ANO5: variants seen among roughly 807,000 people sequenced by gnomAD.
ANO5 encodes the protein anoctamin 5.
A neutral mutation model predicts 121.0 loss-of-function variants in ANO5; 109 were observed. The observed-to-expected ratio is 0.90, with a 90% CI of 0.77 to 1.06. ANO5 has a LOEUF of 1.06. Among genes scored for constraint, ANO5 ranks in the 50% least tolerant of loss-of-function variants. ANO5 has a pLI of 0.00. For missense variants in ANO5, 1,064 were observed against 1,078.5 expected, an observed-to-expected ratio of 0.99 and a Z score of 0.19; for synonymous variants, 406 against 359.9, an observed-to-expected ratio of 1.13 and a Z score of -1.45.
At chr11:22,243,258 A>G (rs1213223136) in intron 9 of ANO5, among the ~76,000 whole-genome samples, 1 of 152,088 alleles carries the variant, frequency 6.6e-6, no homozygotes, top group East Asian at 1.9e-4. Context: ...CATCTCAGGA[A>G]TAATGCCAGT....
At position 22,259,538 on chromosome 11, in the gene ANO5, G is replaced by C. The variant is rs763178777; in HGVS notation, c.1427G>C (p.Ser476Thr). The change falls in exon 15 of 22, where the codon AGT becomes ACT. Residue 476 changes from serine to threonine, a missense_variant. Coordinates refer to ENST00000324559, the MANE Select transcript of ANO5 (RefSeq NM_213599.3). Reference protein sequence around the residue: ...VTLWMSLVVTSMVAVIVYRLS... With the variant: ...VTLWMSLVVTTMVAVIVYRLS... ...TCCCAGATGTCTCTTGTCGTCACCA[G>C]TATGGTAGCTGTAATTGTGTACCGC... The C allele has an allele frequency of 2.5e-6, 4 of 1,614,114 alleles. No individual in the cohort carries two copies. In the South Asian group the frequency reaches 4.4e-5, roughly 18 times the overall value.
At chr11:22,207,496 AAT>A (rs1852154528) in intron 2 of ANO5, among the ~76,000 whole-genome samples, 1 of 152,130 alleles carries the variant, frequency 6.6e-6, no homozygotes, top group Admixed American at 6.6e-5. Flanking sequence ...AACTTAACCT[AAT>A]TTTATAACTT....
Position 22,279,700 on chromosome 11 carries a change from A to G in ANO5, c.2677A>G (p.Asn893Asp), listed in dbSNP as rs1215783320. 2.5e-6 allele frequency: 4 copies of G among 1,612,864 alleles called. No individual in the cohort carries two copies. Among genetic ancestry groups the G allele is most frequent in the South Asian group, 2.2e-5 (2 of 91,046 alleles). The change falls in exon 22 of 22, where the codon AAT becomes GAT. Residue 893 changes from asparagine to aspartate, a missense_variant. Transcript: ENST00000324559. ...KLKENLGINS[N>D]EFAKHVMIEE... ...AAAAGAGAACTTGGGAATTAATTCT[A>G]ATGAATTTGCCAAGCATGTCATGAT...
chr11:22,260,814 C>G (rs1854163800), intron 15 of ANO5, among the ~76,000 whole-genome samples: 1 of 152,132 alleles, frequency 6.6e-6, no homozygotes, highest in Non-Finnish European at 1.5e-5. Context: ...GGAAAACATA[C>G]TTTTCTACAT....
At position 22,262,242 on chromosome 11, in the gene ANO5, T is replaced by C. The variant is rs1854213361; in HGVS notation, c.1744T>C (p.Phe582Leu). 1 of 1,613,954 alleles carries C rather than the reference T, an allele frequency of 6.2e-7. No individual in the cohort carries two copies. The change falls in exon 16 of 22, where the codon TTC (phenylalanine) becomes CTC (leucine). Residue 582 changes from phenylalanine (F) to leucine (L), a missense_variant. By Grantham distance (22) the Phe-to-Leu change is conservative (BLOSUM62 0). Transcript: ENST00000324559. ...CTACGTAGCTTTCTTTAAAGGGAAGTTCGTAGGCTATCCTGGAAAATACAC... is the reference window on the plus strand; with the variant it reads ...CTACGTAGCTTTCTTTAAAGGGAAGCTCGTAGGCTATCCTGGAAAATACAC... The part of the protein sequence containing the change: ...CFYVAFFKGK[F>L]VGYPGKYTYL...
chr11:22,203,483 TG>T lies in ANO5; in HGVS notation c.41-318del, dbSNP rs772668711. On this transcript the variant is annotated intron_variant, in intron 1 of 21. Transcript: ENST00000324559. ...TAAAACATATGAATGGACACCCTAT[TG>T]GGTATTTAACTCTCAGTGGTTTTGT... Among the ~76,000 whole-genome samples, 53 of 152,228 alleles carry T rather than the reference TG, an allele frequency of 3.5e-4. No individual in the cohort carries two copies. In the South Asian group the frequency reaches 0.011, roughly 31 times the overall value.
At chr11:22,271,244 C>T (rs565851882) in intron 18 of ANO5, among the ~76,000 whole-genome samples, 11 of 152,168 alleles carry the variant, frequency 7.2e-5, no homozygotes, top group East Asian at 3.9e-4. Flanking sequence ...TTAGTAGAGT[C>T]GGGGTTTCAC....
chr11:22,229,827 C>T (rs1171336702), intron 7 of ANO5, among the ~76,000 whole-genome samples: 16 of 151,864 alleles, frequency 1.1e-4, no homozygotes, highest in Admixed American at 3.3e-4. Flanking sequence ...CAACATTGTT[C>T]TTGCTTTATT....
rs182707391 is a variant in ANO5 at position 22,221,553 on chromosome 11, A to G, written c.294+343A>G. Among the ~76,000 whole-genome samples the G allele has an allele frequency of 3.1e-3, 479 of 152,146 alleles. 2 individuals carry two copies. Among genetic ancestry groups the G allele is most frequent in the South Asian group, 0.012 (60 of 4,828 alleles). On this transcript the variant is annotated intron_variant, in intron 5 of 21. Transcript: ENST00000324559. Reference sequence around the variant, plus strand: ...TATGATATTTTCATTTTGGAAATGTATGACTAATCCATTGCTCCAGGTATA... The same window carrying G: ...TATGATATTTTCATTTTGGAAATGTGTGACTAATCCATTGCTCCAGGTATA...
At chr11:22,241,534 C>A (rs1853431887) in intron 9 of ANO5, among the ~76,000 whole-genome samples, 1 of 152,036 alleles carries the variant, frequency 6.6e-6, no homozygotes, top group Non-Finnish European at 1.5e-5. Context: ...GTTCTCTTTT[C>A]TCCCAAATCT....
chr11:22,259,779 G>C (rs1305707083), intron 15 of ANO5, 38 bp downstream of exon 15: 1 of 1,544,088 alleles, frequency 6.5e-7, no homozygotes. Context: ...TCTGAAGAAT[G>C]ATTCTTATTG....
chr11:22,259,670 G>A lies in ANO5; in HGVS notation c.1559G>A (p.Cys520Tyr), dbSNP rs753656282. ...ATAACCACATCACTCACAGGATCAT[G>A]CTTGAACTTTATTGTCATCTTGATC... is the stretch of plus-strand genomic sequence containing the variant. The part of the protein sequence containing the change: ...PQITTSLTGS[C>Y]LNFIVILILN... The change falls in exon 15 of 22, where the codon TGC (cysteine) becomes TAC (tyrosine). Residue 520 changes from cysteine to tyrosine, a missense_variant. By Grantham distance (194) the Cys-to-Tyr change is radical (BLOSUM62 -2). Transcript: ENST00000324559. 2 of 1,614,050 alleles carry A rather than the reference G, an allele frequency of 1.2e-6. No homozygotes were observed. Among genetic ancestry groups the A allele is most frequent in the East Asian group, 2.2e-5 (1 of 44,854 alleles).
chr11:22,210,199 T>G (rs1276542777), intron 2 of ANO5, among the ~76,000 whole-genome samples: 1 of 151,994 alleles, frequency 6.6e-6, no homozygotes, highest in South Asian at 2.1e-4. Context: ...GTTTCAGTAT[T>G]ACTTTAGTAC....
Position 22,236,210 on chromosome 11 carries a change from G to A in ANO5, c.696G>A (p.Lys232=), listed in dbSNP as rs773606619. ...GTCCTTTTGGCATAGAAGATGGGAA[G>A]AAAAGGTTTGGGATTGAAAGACTGC... ...SRCPFGIEDG[K]KRFGIERLLN... Residue 232 remains lysine (K), a synonymous_variant, in exon 8 of 22, where the codon AAG becomes AAA. Coordinates refer to ENST00000324559, the MANE Select transcript of ANO5 (RefSeq NM_213599.3). 27 of 1,613,338 alleles carry A rather than the reference G, an allele frequency of 1.7e-5. No individual in the cohort carries two copies. The highest frequency in any genetic ancestry group is 4.0e-5 in the African/African-American group (3 of 74,910).
intron 1 of ANO5, among the ~76,000 whole-genome samples, chr11:22,203,021 C>G (rs886451545): frequency 2.0e-5 from 3 of 152,084 alleles, no homozygotes; most frequent in African/African-American, 7.2e-5. Context: ...AGGTCAATAT[C>G]AAGTTTCCAT....
intron 9 of ANO5, among the ~76,000 whole-genome samples, chr11:22,246,654 T>C (rs757329123): frequency 2.0e-5 from 3 of 151,918 alleles, no homozygotes; most frequent in Non-Finnish European, 4.4e-5. Context: ...CTGGTCAACA[T>C]GGTGAAACCC....
intron 2 of ANO5, among the ~76,000 whole-genome samples, chr11:22,207,740 C>T (rs560681769): frequency 6.6e-6 from 1 of 152,122 alleles, no homozygotes; most frequent in East Asian, 1.9e-4. Context: ...GATGAACAGA[C>T]AGGCTACAGA....
At chr11:22,253,650 G>A (rs563448962) in intron 12 of ANO5, among the ~76,000 whole-genome samples, 17 of 152,276 alleles carry the variant, frequency 1.1e-4, no homozygotes, top group Middle Eastern at 3.4e-3. Flanking sequence ...AGAAGTTTCT[G>A]CCTTACGAAA....
At chr11:22,201,955 A>C (rs1010048004) in intron 1 of ANO5, among the ~76,000 whole-genome samples, 1 of 152,096 alleles carries the variant, frequency 6.6e-6, no homozygotes, top group Non-Finnish European at 1.5e-5. Flanking sequence ...AAGGCCCCTC[A>C]AAGAGGGAGA....
Sources: gnomAD v4.1 joint callset for allele counts (sites outside exome capture counted in the v4.1 genomes callset) on GRCh38, gnomAD v4.1.1 for gene constraint, MANE v1.5 for transcripts, NCBI Gene and HGNC (gene_info 2026-07-23, HGNC 2026-07-21) for gene names.